CSMD3: variants seen among roughly 807,000 people sequenced by gnomAD.
The protein encoded by CSMD3 is CUB and sushi domain-containing protein 3.
In CSMD3, 177 loss-of-function variants were observed where a neutral mutation model predicts 435.2. The observed-to-expected ratio is 0.41, with a 90% CI of 0.36 to 0.46. The LOEUF is 0.46. Ranked by LOEUF, CSMD3 falls within the 20% of genes least tolerant of loss-of-function variation. The pLI is 0.34. For synonymous variants in CSMD3, 1,656 were observed against 1,520.5 expected (o/e 1.09, Z -2.07); for missense variants, 4,265 against 4,504.6 (o/e 0.95, Z 1.52).
intron 8 of CSMD3, among the ~76,000 whole-genome samples, chr8:112,950,164 T>C (rs1440642948): frequency 6.6e-6 from 1 of 151,992 alleles, no homozygotes; most frequent in Non-Finnish European, 1.5e-5. Flanking sequence ...ATTATTTTAA[T>C]ATACCTATTT....
rs1293445601 is a variant in CSMD3 at position 112,682,613 on chromosome 8, C to T, written c.2506G>A (p.Asp836Asn). The change falls in exon 16 of 71, where the codon GAT becomes AAT. Residue 836 changes from aspartate to asparagine, a missense_variant. Physicochemically the swap from Asp to Asn is conservative, Grantham distance 23. This residue lies in a region of CSMD3 where 279 missense variants were observed against 369.0 expected (regional missense o/e 0.76). Transcript: ENST00000297405. ...YNTFGHNECP[D>N]PGIPINARRF... ...CGTGCATTGATTGGTATTCCAGGAT[C>T]AGGGCATTCATTATGTCCAAATGCT... The T allele has an allele frequency of 1.2e-6, 2 of 1,612,808 alleles. No homozygotes were observed. The highest frequency in any genetic ancestry group is 1.7e-5 in the Admixed American group (1 of 59,988).
chr8:112,810,971 A>G (rs1026942562), intron 12 of CSMD3, among the ~76,000 whole-genome samples: 1 of 152,054 alleles, frequency 6.6e-6, no homozygotes, highest in Non-Finnish European at 1.5e-5. Context: ...TGGATGATGG[A>G]GAATTTTTGT....
chr8:112,475,637 T>TATTGTTAATGGCAAAA (rs1818971434), intron 31 of CSMD3, among the ~76,000 whole-genome samples: 1 of 152,056 alleles, frequency 6.6e-6, no homozygotes, highest in African/African-American at 2.4e-5. Flanking sequence ...TTTTGGGCAT[T>TATTGTTAATGGCAAAA]ACTGTTAATG....
chr8:113,335,861 CT>C lies in CSMD3; in HGVS notation c.179-21069del, dbSNP rs376492388. On this transcript the variant is annotated intron_variant, in intron 1 of 70. Coordinates refer to ENST00000297405, the MANE Select transcript of CSMD3 (RefSeq NM_198123.2). Reference sequence around the variant, plus strand: ...CTTTTGTCTCTGGCTGCTTGTAATACTTTTTTTCGTTAGTTTTCTATTTAAG... The same window carrying C: ...CTTTTGTCTCTGGCTGCTTGTAATACTTTTTTCGTTAGTTTTCTATTTAAG... Among the ~76,000 whole-genome samples the C allele has an allele frequency of 1.7e-4, 26 of 151,932 alleles. No homozygotes were observed. In the East Asian group the frequency reaches 4.7e-3, roughly 27 times the overall value.
intron 63 of CSMD3, among the ~76,000 whole-genome samples, chr8:112,251,217 A>G (rs1194023744): frequency 6.6e-6 from 1 of 151,772 alleles, no homozygotes; most frequent in Non-Finnish European, 1.5e-5. Flanking sequence ...TTCTTTTGCA[A>G]TATATATTTT....
chr8:112,256,192 G>A (rs1450365277), intron 61 of CSMD3, among the ~76,000 whole-genome samples: 1 of 152,024 alleles, frequency 6.6e-6, no homozygotes, highest in Non-Finnish European at 1.5e-5. Flanking sequence ...AATACTGTAG[G>A]AAATCTGCTT....
chr8:112,267,459 C>A (rs973418360), intron 59 of CSMD3, among the ~76,000 whole-genome samples: 1 of 151,762 alleles, frequency 6.6e-6, no homozygotes, highest in Non-Finnish European at 1.5e-5. Context: ...ACCGACAATA[C>A]GTCATCTCTT....
intron 3 of CSMD3, among the ~76,000 whole-genome samples, chr8:113,231,711 A>T (rs554522172): frequency 6.6e-6 from 1 of 151,670 alleles, no homozygotes; most frequent in African/African-American, 2.4e-5. Flanking sequence ...GCAGAGATAG[A>T]TATTAACACA....
intron 38 of CSMD3, among the ~76,000 whole-genome samples, chr8:112,360,720 A>G (rs1827113482): frequency 6.6e-6 from 1 of 151,976 alleles, no homozygotes; most frequent in Non-Finnish European, 1.5e-5. Context: ...TTAGAAGTAC[A>G]GGAACATATT....
At chr8:112,646,088 A>G (rs1383608011) in intron 19 of CSMD3, among the ~76,000 whole-genome samples, 1 of 152,164 alleles carries the variant, frequency 6.6e-6, no homozygotes, top group South Asian at 2.1e-4. Flanking sequence ...GCACACTAGA[A>G]AAGTGAGTTT....
intron 3 of CSMD3, among the ~76,000 whole-genome samples, chr8:113,247,840 G>C (rs2093291527): frequency 6.6e-6 from 1 of 152,036 alleles, no homozygotes. Flanking sequence ...GAGTGTTACA[G>C]TAGCTTATAT....
intron 3 of CSMD3, among the ~76,000 whole-genome samples, chr8:113,183,590 T>C (rs2092454855): frequency 6.6e-6 from 1 of 151,960 alleles, no homozygotes; most frequent in South Asian, 2.1e-4. Context: ...TAAACCTTCT[T>C]ATCCCCTGCT....
intron 5 of CSMD3, among the ~76,000 whole-genome samples, chr8:113,086,747 G>T (rs538710895): frequency 6.6e-6 from 1 of 152,154 alleles, no homozygotes; most frequent in East Asian, 1.9e-4. Flanking sequence ...TATTTTATTG[G>T]TTTTTCTTGA....
intron 5 of CSMD3, among the ~76,000 whole-genome samples, chr8:113,073,451 A>G (rs1411655509): frequency 2.6e-5 from 4 of 151,960 alleles, no homozygotes; most frequent in Non-Finnish European, 4.4e-5. Context: ...ACTGCTCACT[A>G]GAACTCATGG....
intron 5 of CSMD3, among the ~76,000 whole-genome samples, chr8:113,098,122 T>A (rs2090219075): frequency 6.6e-6 from 1 of 152,060 alleles, no homozygotes; most frequent in African/African-American, 2.4e-5. Context: ...TCTTAGCAAA[T>A]CTTCACATGG....
chr8:112,932,416 G>A (rs976747951), intron 9 of CSMD3, among the ~76,000 whole-genome samples: 1 of 152,042 alleles, frequency 6.6e-6, no homozygotes, highest in Admixed American at 6.6e-5. Flanking sequence ...AAAGTAGAAA[G>A]ATAGTATTTT....
At chr8:112,905,704 C>T (rs2082243534) in intron 10 of CSMD3, among the ~76,000 whole-genome samples, 2 of 151,328 alleles carry the variant, frequency 1.3e-5, no homozygotes, top group Admixed American at 6.6e-5. Context: ...TGGTCCTATC[C>T]CTTTGGGAAC....
chr8:113,228,640 C>G (rs2093053205), intron 3 of CSMD3, among the ~76,000 whole-genome samples: 1 of 151,410 alleles, frequency 6.6e-6, no homozygotes, highest in Non-Finnish European at 1.5e-5. Flanking sequence ...CCTCCTCCTT[C>G]TAATCCTCCC....
intron 12 of CSMD3, among the ~76,000 whole-genome samples, chr8:112,819,165 C>T (rs553504578): frequency 4.6e-5 from 7 of 152,024 alleles, no homozygotes; most frequent in East Asian, 1.9e-4. Flanking sequence ...GTTTGCAGGG[C>T]GGGTGGACCG....
Sources: gnomAD v4.1 joint callset for allele counts (sites outside exome capture counted in the v4.1 genomes callset) on GRCh38, gnomAD v4.1.1 for gene constraint, gnomAD v4.1.1 regional missense constraint, MANE v1.5 for transcripts, NCBI Gene and HGNC (gene_info 2026-07-23, HGNC 2026-07-21) for gene names.